PTPRN2: variants seen among roughly 807,000 people sequenced by gnomAD.
The protein encoded by PTPRN2 is protein tyrosine phosphatase receptor type N2, also known as receptor-type tyrosine-protein phosphatase N2.
In PTPRN2, 74 loss-of-function variants were observed where a neutral mutation model predicts 118.8. The observed-to-expected ratio is 0.62, with a 90% CI of 0.52 to 0.76. PTPRN2 has a LOEUF of 0.76. Among genes scored for constraint, PTPRN2 ranks in the 30% least tolerant of loss-of-function variants. PTPRN2 has a pLI of 0.00. For missense variants in PTPRN2, 1,481 were observed against 1,394.4 expected (o/e 1.06, Z -0.99); for synonymous variants, 641 against 608.0 (o/e 1.05, Z -0.80).
chr7:158,145,313 C>T (rs1819828876), intron 6 of PTPRN2, among the ~76,000 whole-genome samples: 1 of 151,418 alleles, frequency 6.6e-6, no homozygotes, highest in African/African-American at 2.4e-5. Flanking sequence ...GCAAGGTTTC[C>T]CTCACATCAC....
intron 11 of PTPRN2, among the ~76,000 whole-genome samples, chr7:157,945,108 G>A (rs1432836392): frequency 6.6e-6 from 1 of 152,130 alleles, no homozygotes; most frequent in Non-Finnish European, 1.5e-5. Context: ...TAGTGTGGGA[G>A]GAACACGGTG....
intron 2 of PTPRN2, among the ~76,000 whole-genome samples, chr7:158,485,051 G>A (rs988500401): frequency 9.2e-5 from 14 of 152,052 alleles, no homozygotes; most frequent in Non-Finnish European, 4.4e-5. Flanking sequence ...GGGCACCTGC[G>A]GAGGGAAGGC....
intron 4 of PTPRN2, among the ~76,000 whole-genome samples, chr7:158,193,599 C>T (rs1420908394): frequency 6.6e-6 from 1 of 152,044 alleles, no homozygotes; most frequent in Non-Finnish European, 1.5e-5. Flanking sequence ...GGAGAGCTTG[C>T]CTGAGCCACG....
chr7:158,123,267 A>T (rs367851204), intron 9 of PTPRN2, among the ~76,000 whole-genome samples: 16 of 152,168 alleles, frequency 1.1e-4, no homozygotes, highest in African/African-American at 3.4e-4. Context: ...GCCCACGGGA[A>T]CCTCCCCCAT....
intron 12 of PTPRN2, among the ~76,000 whole-genome samples, chr7:157,790,026 G>GTGGTGTGTA (rs1337070366): frequency 1.1e-4 from 15 of 135,998 alleles, no homozygotes; most frequent in Non-Finnish European, 1.8e-4. Context: ...GTGAATGTGT[G>GTGGTGTGTA]TGTGGTGGGG....
At chr7:157,773,065 C>T (rs984735305) in intron 12 of PTPRN2, among the ~76,000 whole-genome samples, 1 of 152,188 alleles carries the variant, frequency 6.6e-6, no homozygotes, top group Non-Finnish European at 1.5e-5. Flanking sequence ...TGAGAAGGTG[C>T]CTTGCACAGA....
chr7:158,286,053 G>T (rs1799749696), intron 3 of PTPRN2, among the ~76,000 whole-genome samples: 1 of 152,136 alleles, frequency 6.6e-6, no homozygotes, highest in Non-Finnish European at 1.5e-5. Context: ...ATGCCCTCCA[G>T]CTCTCACATG....
chr7:157,555,114 C>CTCTG (rs1395640849), intron 21 of PTPRN2, among the ~76,000 whole-genome samples: 1 of 152,108 alleles, frequency 6.6e-6, no homozygotes, highest in African/African-American at 2.4e-5. Context: ...AGACACCAGG[C>CTCTG]TCTGCGTGCT....
rs142326447 is a variant in PTPRN2 at position 158,351,431 on chromosome 7, C to T, written c.164-34499G>A. 3.8e-3 allele frequency among the ~76,000 whole-genome samples: 575 copies of T among 152,294 alleles called. 3 individuals carry two copies. The highest frequency in any genetic ancestry group is 0.017 in the South Asian group (84 of 4,826). On this transcript the variant is annotated intron_variant, in intron 2 of 22. Transcript: ENST00000389418. ...AGGCCTGCAGCTGTCTGGGGCGACT[C>T]GTACACTGTACCTGCTTTCCTTCGT...
intron 2 of PTPRN2, among the ~76,000 whole-genome samples, chr7:158,471,449 G>A (rs1339166569): frequency 3.3e-5 from 5 of 152,182 alleles, no homozygotes. Context: ...CAGCACTTTG[G>A]GAGGCCGACG....
chr7:157,978,055 A>G (rs764688178), intron 11 of PTPRN2, among the ~76,000 whole-genome samples: 3 of 152,030 alleles, frequency 2.0e-5, no homozygotes, highest in Non-Finnish European at 4.4e-5. Flanking sequence ...AAAAAGGCCA[A>G]TGACAGGTCA....
intron 9 of PTPRN2, among the ~76,000 whole-genome samples, chr7:158,119,660 C>G (rs575644607): frequency 8.7e-4 from 132 of 152,086 alleles, no homozygotes; most frequent in African/African-American, 3.0e-3. Flanking sequence ...ACTTCTATTA[C>G]AGTAAATTGT....
At chr7:158,038,849 C>CA (rs905431031) in intron 11 of PTPRN2, among the ~76,000 whole-genome samples, 31 of 148,760 alleles carry the variant, frequency 2.1e-4, no homozygotes, top group Admixed American at 4.7e-4. Context: ...AATAAAATAA[C>CA]AAAAAAAAAC....
In PTPRN2 at chr7:158,263,712, G is replaced by A. The variant is rs545964154; in HGVS notation, c.277+53107C>T. On this transcript the variant is annotated intron_variant, in intron 3 of 22. Transcript: ENST00000389418. ...AGGCACAGCCATGGGTGGGCGCCCA[G>A]CACCTCAACGGCCCTTTTCCCACCA... 2.6e-5 allele frequency among the ~76,000 whole-genome samples: 4 copies of A among 152,338 alleles called. No individual in the cohort carries two copies. The South Asian group carries it at 8.3e-4, about 32-fold the overall frequency.
intron 2 of PTPRN2, among the ~76,000 whole-genome samples, chr7:158,476,092 CT>C (rs1306482493): frequency 6.6e-6 from 1 of 152,210 alleles, no homozygotes; most frequent in Admixed American, 6.5e-5. Flanking sequence ...GCAACCTCCT[CT>C]TCCTGGGCTC....
intron 12 of PTPRN2, among the ~76,000 whole-genome samples, chr7:157,849,232 C>T (rs565737321): frequency 5.3e-5 from 8 of 152,328 alleles, no homozygotes; most frequent in African/African-American, 1.9e-4. Flanking sequence ...ACCGAAGAGG[C>T]AGAAAGCTGG....
Position 157,610,919 on chromosome 7 carries a change from C to A in PTPRN2, c.2345-6844G>T, listed in dbSNP as rs180734204. ...TTAGGAAAGTCAGCTGAGTGTCATT[C>A]AGGGCCTCCGCAGCTCAGCATACAA... On this transcript the variant is annotated intron_variant, in intron 15 of 22. Coordinates refer to ENST00000389418, the MANE Select transcript of PTPRN2 (RefSeq NM_002847.5). The surrounding 1 kb of genome is among the most constrained non-coding windows in gnomAD (Gnocchi z 5.1). 3.9e-5 allele frequency among the ~76,000 whole-genome samples: 6 copies of A among 152,332 alleles called. No homozygotes were observed. Among genetic ancestry groups the A allele is most frequent in the Admixed American group, 6.5e-5 (1 of 15,304 alleles).
At chr7:158,416,298 C>A (rs1236161877) in intron 2 of PTPRN2, among the ~76,000 whole-genome samples, 1 of 152,234 alleles carries the variant, frequency 6.6e-6, no homozygotes, top group Non-Finnish European at 1.5e-5. Context: ...CCCTTGCAGG[C>A]CCAACCCACA....
At chr7:158,271,732 G>A (rs773167244) in intron 3 of PTPRN2, among the ~76,000 whole-genome samples, 20 of 152,124 alleles carry the variant, frequency 1.3e-4, no homozygotes, top group East Asian at 5.8e-4. Flanking sequence ...ATTCGGTGTC[G>A]GTGAGCGCCC....
Sources: allele counts gnomAD v4.1 joint callset (sites outside exome capture counted in the v4.1 genomes callset), GRCh38; gene constraint gnomAD v4.1.1; non-coding constraint Gnocchi (gnomAD v3.1); transcripts MANE v1.5; gene names NCBI Gene and HGNC (gene_info 2026-07-23, HGNC 2026-07-21).